Variants in CEP85L observed in about 807,000 individuals in gnomAD.
The protein encoded by CEP85L is centrosomal protein of 85 kDa-like.
In CEP85L, 60 loss-of-function variants were observed where a neutral mutation model predicts 100.3. The ratio of observed to expected loss-of-function variants is 0.60; its 90% confidence interval spans 0.49 to 0.74. The LOEUF is 0.74. Ranked by LOEUF, CEP85L falls within the 30% of genes least tolerant of loss-of-function variation. The probability of loss-of-function intolerance (pLI) is 0.00; values close to 1 mark genes in which losing one functional copy is unlikely to be tolerated. For missense variants in CEP85L, 973 were observed against 936.2 expected, an observed-to-expected ratio of 1.04 and a Z score of -0.51; for synonymous variants, 319 against 322.7, an observed-to-expected ratio of 0.99 and a Z score of 0.12.
intron 1 of CEP85L, among the ~76,000 whole-genome samples, chr6:118,637,692 C>A (rs1583207378): frequency 1.9e-4 from 9 of 46,352 alleles, no homozygotes; most frequent in African/African-American, 4.4e-4. Flanking sequence ...GGTAATAAAG[C>A]AAGACTGTCT....
intron 2 of CEP85L, among the ~76,000 whole-genome samples, chr6:118,602,832 T>C (rs1781852288): frequency 6.6e-6 from 1 of 152,130 alleles, no homozygotes; most frequent in Non-Finnish European, 1.5e-5. Context: ...GACTTTTTTT[T>C]TTTTTGGAGA....
intron 4 of CEP85L, among the ~76,000 whole-genome samples, chr6:118,517,219 T>A (rs1776336150): frequency 6.6e-6 from 1 of 152,202 alleles, no homozygotes; most frequent in Admixed American, 6.5e-5. Flanking sequence ...TTGTCTTGGC[T>A]ATCTAGACTC....
At position 118,465,343 on chromosome 6, in the gene CEP85L, T is replaced by A. The variant is rs908143642; in HGVS notation, c.*62A>T. On this transcript the variant is annotated 3_prime_UTR_variant, in exon 13 of 13. Transcript: ENST00000368491. ...TCATGTCACTTGCAACCTTCCATTA[T>A]GGCTCCATAACACAGCAGCATTTAA... 2.1e-5 allele frequency: 31 copies of A among 1,484,964 alleles called. No homozygotes were observed. The African/African-American group carries it at 3.5e-4, about 17-fold the overall frequency. 92.0% of individuals were successfully genotyped at this position (1,484,964 alleles called of 1,614,324 possible).
At chr6:118,559,087 G>C in intron 3 of CEP85L, 1 of 1,606,470 alleles carries the variant, frequency 6.2e-7, no homozygotes. Flanking sequence ...CTGAAGTTCT[G>C]CTACAACCTC....
chr6:118,544,448 C>A (rs1035584017), intron 3 of CEP85L, among the ~76,000 whole-genome samples: 2 of 152,122 alleles, frequency 1.3e-5, no homozygotes, highest in African/African-American at 4.8e-5. Flanking sequence ...CTAGTGGTTA[C>A]CTTCTAAATG....
At chr6:118,563,769 G>A (rs1181705933) in intron 3 of CEP85L, among the ~76,000 whole-genome samples, 1 of 152,150 alleles carries the variant, frequency 6.6e-6, no homozygotes, top group East Asian at 1.9e-4. Flanking sequence ...ATGTTTCAAA[G>A]AGGCTTTTAA....
chr6:118,649,949 C>T (rs1404090730), intron 1 of CEP85L, among the ~76,000 whole-genome samples: 1 of 152,144 alleles, frequency 6.6e-6, no homozygotes, highest in East Asian at 1.9e-4. Context: ...TCTAAACTAT[C>T]AAAGAATTGC....
At chr6:118,490,282 T>C (rs960649355) in intron 6 of CEP85L, among the ~76,000 whole-genome samples, 3 of 152,204 alleles carry the variant, frequency 2.0e-5, no homozygotes, top group African/African-American at 4.8e-5. Flanking sequence ...AATATGCCTA[T>C]AGTTCTGAAT....
chr6:118,540,567 C>T (rs1334425560), intron 3 of CEP85L, among the ~76,000 whole-genome samples: 2 of 151,810 alleles, frequency 1.3e-5, no homozygotes, highest in Non-Finnish European at 2.9e-5. Flanking sequence ...CCATCCTGGC[C>T]AACATGGTGA....
chr6:118,633,040 G>A (rs139743032), intron 1 of CEP85L, among the ~76,000 whole-genome samples: 191 of 151,880 alleles, frequency 1.3e-3, no homozygotes, highest in African/African-American at 4.4e-3. Flanking sequence ...ATATCCACAT[G>A]GAATATGAAA....
intron 2 of CEP85L, among the ~76,000 whole-genome samples, chr6:118,579,330 T>TGG (rs1780429252): frequency 1.5e-5 from 2 of 137,524 alleles, no homozygotes; most frequent in Non-Finnish European, 3.1e-5. Flanking sequence ...TTTTCCAATT[T>TGG]GGTCAAGGGG....
chr6:118,510,808 T>G (rs928919931), intron 5 of CEP85L, among the ~76,000 whole-genome samples: 7 of 152,038 alleles, frequency 4.6e-5, no homozygotes, highest in African/African-American at 1.7e-4. Flanking sequence ...TGAAAACAAC[T>G]CAAATTTTGA....
At chr6:118,684,766 G>C (rs1776778967) in intron 1 of CEP85L, among the ~76,000 whole-genome samples, 1 of 152,036 alleles carries the variant, frequency 6.6e-6, no homozygotes, top group Non-Finnish European at 1.5e-5. Flanking sequence ...CACATAACAA[G>C]GCATTTTGAT....
chr6:118,494,156 C>A (rs1231550673), intron 5 of CEP85L, among the ~76,000 whole-genome samples: 1 of 152,126 alleles, frequency 6.6e-6, no homozygotes, highest in East Asian at 1.9e-4. Context: ...GTGGGAAAAT[C>A]TGTAACTAAT....
At chr6:118,670,558 G>T (rs188576292) in intron 1 of CEP85L, among the ~76,000 whole-genome samples, 20 of 150,626 alleles carry the variant, frequency 1.3e-4, no homozygotes, top group African/African-American at 4.7e-4. Context: ...CTTCATTGTC[G>T]CACTAAGCAG....
chr6:118,651,349 GC>G lies in CEP85L; in HGVS notation c.-81del. 1 of 1,388,004 alleles carries G rather than the reference GC, an allele frequency of 7.2e-7. No individual in the cohort carries two copies. The highest frequency in any genetic ancestry group is 9.3e-7 in the Non-Finnish European group (1 of 1,071,896). The allele number at this position is 1,388,004 out of a possible 1,614,324, so 86.0% of individuals were successfully genotyped here. ...CCTGCTTCTTCGGCGGCGGAAACTTGCGCGGAGCGTGGGCCTCGGCGACACG... is the reference window on the plus strand; with the variant it reads ...CCTGCTTCTTCGGCGGCGGAAACTTGGCGGAGCGTGGGCCTCGGCGACACG... On this transcript the variant is annotated 5_prime_UTR_variant, in exon 1 of 13. Transcript: ENST00000368491.
intron 6 of CEP85L, among the ~76,000 whole-genome samples, chr6:118,484,176 C>T (rs1419398138): frequency 4.6e-5 from 7 of 152,072 alleles, no homozygotes; most frequent in South Asian, 2.1e-4. Context: ...ATTAGCTGGG[C>T]GTGGTGGCAC....
At chr6:118,635,356 C>T (rs1774428108) in intron 1 of CEP85L, among the ~76,000 whole-genome samples, 1 of 151,964 alleles carries the variant, frequency 6.6e-6, no homozygotes, top group Non-Finnish European at 1.5e-5. Flanking sequence ...TAGCTATATA[C>T]ATAATATGAT....
chr6:118,580,327 T>C (rs1356499633), intron 2 of CEP85L, among the ~76,000 whole-genome samples: 1 of 152,212 alleles, frequency 6.6e-6, no homozygotes, highest in African/African-American at 2.4e-5. Flanking sequence ...CAGAGTCGTA[T>C]CATTTTGGTG....
Sources: allele counts gnomAD v4.1 joint callset (sites outside exome capture counted in the v4.1 genomes callset), GRCh38; gene constraint gnomAD v4.1.1; transcripts MANE v1.5; gene names NCBI Gene and HGNC (gene_info 2026-07-23, HGNC 2026-07-21).